ADD1: variants seen among roughly 807,000 people sequenced by gnomAD.
ADD1 encodes adducin 1, also known as alpha-adducin.
Under a neutral mutation model 80.5 loss-of-function variants are expected in ADD1, and 24 were observed. That is an observed-to-expected ratio of 0.30 (90% confidence interval 0.22 to 0.42). The LOEUF is 0.42. ADD1 is among the 10% of genes least tolerant of loss of function. The probability of loss-of-function intolerance (pLI) is 1.00; values close to 1 mark genes in which losing one functional copy is unlikely to be tolerated. For synonymous variants in ADD1, 373 were observed against 393.8 expected (o/e 0.95, Z 0.63); for missense variants, 948 against 1,019.0 (o/e 0.93, Z 0.95).
intron 4 of ADD1, among the ~76,000 whole-genome samples, chr4:2,888,437 G>A (rs1733752877): frequency 7.1e-6 from 1 of 140,400 alleles, no homozygotes; most frequent in African/African-American, 2.7e-5. Context: ...TATTATTTTA[G>A]GCAGAGTCTC....
intron 4 of ADD1, among the ~76,000 whole-genome samples, chr4:2,890,532 G>T (rs539501198): frequency 6.6e-6 from 1 of 152,058 alleles, no homozygotes; most frequent in African/African-American, 2.4e-5. Flanking sequence ...TCAACCTCCC[G>T]AGTAGCTGGG....
intron 13 of ADD1, among the ~76,000 whole-genome samples, chr4:2,910,076 A>AC: frequency 6.8e-6 from 1 of 146,430 alleles, no homozygotes; most frequent in East Asian, 2.0e-4. Flanking sequence ...GCGGGCATCT[A>AC]GTATGTGGAG....
chr4:2,847,403 C>T (rs1452950694), intron 1 of ADD1, among the ~76,000 whole-genome samples: 2 of 36,082 alleles, frequency 5.5e-5, no homozygotes, highest in African/African-American at 1.3e-4. Flanking sequence ...AGCGAAACTC[C>T]GTCTCAAAAA....
rs1266973308 is a variant in ADD1, at chr4:2,872,766, A to C, written c.-20-3130A>C. The stretch of plus-strand genomic sequence containing the variant: ...GTTGAGATGCAGTCTTTACTATGTA[A>C]GCTAGACAGCTTGGAACTCCTGGGC... On this transcript the variant is annotated intron_variant, in intron 1 of 15. Coordinates refer to ENST00000683351, the MANE Select transcript of ADD1 (RefSeq NM_001354761.2). 3.9e-5 allele frequency among the ~76,000 whole-genome samples: 6 copies of C among 152,188 alleles called. No individual in the cohort carries two copies. The East Asian group carries it at 9.7e-4, about 25-fold the overall frequency.
chr4:2,885,622 T>A (rs78140545), intron 4 of ADD1, among the ~76,000 whole-genome samples: 1,914 of 152,156 alleles, frequency 0.013, 38 homozygotes, highest in African/African-American at 0.043. Context: ...CTTCTTTTTT[T>A]TTTTTGAGAC....
At chr4:2,919,463 T>C (rs1053810496) in intron 14 of ADD1, among the ~76,000 whole-genome samples, 9 of 152,178 alleles carry the variant, frequency 5.9e-5, no homozygotes, top group Non-Finnish European at 1.2e-4. Context: ...ATCCGTCTGG[T>C]CCTGGGCTTT....
rs80202796 is a variant in ADD1 at position 2,913,463 on chromosome 4, A to G, written c.1792-1421A>G. 2.0e-3 allele frequency among the ~76,000 whole-genome samples: 312 copies of G among 152,318 alleles called. 8 individuals are homozygous for G. In the East Asian group the frequency reaches 0.052, roughly 25 times the overall value. ...CTTCCTGTCTTGGTGAGGCAGGGCAACTTCTTAACGAAAAGCCAATGGGCC... is the reference window on the plus strand; with the variant it reads ...CTTCCTGTCTTGGTGAGGCAGGGCAGCTTCTTAACGAAAAGCCAATGGGCC... On this transcript the variant is annotated intron_variant, in intron 13 of 15. Coordinates refer to ENST00000683351, the MANE Select transcript of ADD1 (RefSeq NM_001354761.2).
intron 1 of ADD1, among the ~76,000 whole-genome samples, chr4:2,856,962 G>C (rs1284863171): frequency 1.3e-5 from 2 of 151,492 alleles, no homozygotes; most frequent in African/African-American, 2.4e-5. Flanking sequence ...GCCCAGGCTG[G>C]AGTGCAGTGG....
At chr4:2,851,558 G>A (rs888169191) in intron 1 of ADD1, among the ~76,000 whole-genome samples, 1 of 152,196 alleles carries the variant, frequency 6.6e-6, no homozygotes, top group African/African-American at 2.4e-5. Context: ...GTCTGATACA[G>A]CTGCATGTGT....
intron 1 of ADD1, among the ~76,000 whole-genome samples, chr4:2,871,803 ATAC>A (rs1361603254): frequency 6.6e-6 from 1 of 152,218 alleles, no homozygotes; most frequent in African/African-American, 2.4e-5. Context: ...AATCCTAGTA[ATAC>A]TACACCTAAA....
At chr4:2,899,536 T>C (rs1262688037) in intron 9 of ADD1, 101 bp downstream of exon 9, 5 of 1,280,462 alleles carry the variant, frequency 3.9e-6, no homozygotes, top group East Asian at 2.4e-5. Context: ...ATGCAGTATC[T>C]GAATACCTTC....
intron 13 of ADD1, among the ~76,000 whole-genome samples, chr4:2,912,765 A>C (rs573651461): frequency 3.9e-5 from 6 of 152,210 alleles, no homozygotes; most frequent in Non-Finnish European, 8.8e-5. Flanking sequence ...GGGCTCAAGC[A>C]ATCCTTCTGC....
At position 2,928,215 on chromosome 4, in the gene ADD1, A is replaced by G. The variant is rs750930399; in HGVS notation, c.2092A>G (p.Thr698Ala). ...TACTGGAGATGACAGTGATGCTGCC[A>G]CCTTTAAGCCAACTCTCCCCGATCT... ...PTTGDDSDAA[T>A]FKPTLPDLSP... The change falls in exon 16 of 16, where the codon ACC becomes GCC. Residue 698 changes from threonine (T) to alanine (A), a missense_variant. Thr to Ala is a moderately conservative substitution (Grantham distance 58). Transcript: ENST00000683351. The G allele has an allele frequency of 1.2e-6, 2 of 1,613,996 alleles. No homozygotes were observed. Among genetic ancestry groups the G allele is most frequent in the Non-Finnish European group, 1.7e-6 (2 of 1,179,984 alleles).
chr4:2,852,419 CG>C, intron 1 of ADD1, among the ~76,000 whole-genome samples: 1 of 149,214 alleles, frequency 6.7e-6, no homozygotes, highest in Non-Finnish European at 1.5e-5. Context: ...CTCCGCCTCC[CG>C]GGTTCAAGCG....
At chr4:2,913,865 C>T (rs1738494103) in intron 13 of ADD1, among the ~76,000 whole-genome samples, 1 of 152,032 alleles carries the variant, frequency 6.6e-6, no homozygotes, top group Non-Finnish European at 1.5e-5. Context: ...CAGTCATGTG[C>T]ATGTGTGTAA....
intron 12 of ADD1, chr4:2,909,066 T>TTGAA: frequency 2.0e-6 from 1 of 506,216 alleles, no homozygotes; most frequent in South Asian, 2.2e-5. Flanking sequence ...TTGTGGCACA[T>TTGAA]TGAAGATAAT....
chr4:2,895,972 C>T (rs1055145188), intron 6 of ADD1, among the ~76,000 whole-genome samples: 1 of 151,662 alleles, frequency 6.6e-6, no homozygotes, highest in East Asian at 1.9e-4. Context: ...ACTGCAAGCT[C>T]TGCCTCCCGG....
chr4:2,874,879 A>C (rs1304836065), intron 1 of ADD1, among the ~76,000 whole-genome samples: 1 of 152,134 alleles, frequency 6.6e-6, no homozygotes, highest in Non-Finnish European at 1.5e-5. Flanking sequence ...CCCACTCCAG[A>C]CCTAATGAAT....
intron 14 of ADD1, among the ~76,000 whole-genome samples, chr4:2,922,249 T>C (rs1740176381): frequency 6.6e-6 from 1 of 151,000 alleles, no homozygotes; most frequent in Non-Finnish European, 1.5e-5. Context: ...CTTTTTGCAC[T>C]GGTTTTTCCT....
Sources: allele counts gnomAD v4.1 joint callset (sites outside exome capture counted in the v4.1 genomes callset), GRCh38; gene constraint gnomAD v4.1.1; transcripts MANE v1.5; gene names NCBI Gene and HGNC (gene_info 2026-07-23, HGNC 2026-07-21).